The following EYS variants were observed in gnomAD, a reference collection of about 807,000 sequenced individuals.
The protein encoded by EYS is protein eyes shut homolog.
A neutral mutation model predicts 282.1 loss-of-function variants in EYS; 250 were observed. The observed-to-expected ratio is 0.89, with a 90% confidence interval of 0.80 to 0.98. The LOEUF is 0.98. Among genes scored for constraint, EYS ranks in the 50% least tolerant of loss-of-function variants. The pLI is 0.00. For missense variants in EYS, 4,016 were observed against 3,709.0 expected (o/e 1.08, Z -2.15); for synonymous variants, 1,355 against 1,282.9 (o/e 1.06, Z -1.20).
intron 22 of EYS, among the ~76,000 whole-genome samples, chr6:64,680,691 A>C (rs1769866987): frequency 2.0e-5 from 3 of 152,226 alleles, no homozygotes; most frequent in African/African-American, 7.2e-5. Context: ...TATTTACCTT[A>C]GTTTCAGCAG....
chr6:65,277,217 G>A (rs187653352), intron 12 of EYS, among the ~76,000 whole-genome samples: 5 of 152,118 alleles, frequency 3.3e-5, no homozygotes, highest in African/African-American at 7.2e-5. Context: ...GGTAGATCAC[G>A]AGGTCAGGAG....
chr6:65,498,488 AT>A (rs999859007), intron 2 of EYS, among the ~76,000 whole-genome samples: 1 of 152,022 alleles, frequency 6.6e-6, no homozygotes, highest in African/African-American at 2.4e-5. Context: ...CCTATGTGAC[AT>A]TTTTAGACTG....
intron 41 of EYS, among the ~76,000 whole-genome samples, chr6:63,730,865 C>G (rs1444010017): frequency 1.3e-5 from 2 of 151,846 alleles, no homozygotes; most frequent in African/African-American, 4.8e-5. Flanking sequence ...ACTAAAAATA[C>G]AAAAAATTAG....
chr6:65,458,717 T>C (rs1409538159), intron 5 of EYS, among the ~76,000 whole-genome samples: 1 of 152,170 alleles, frequency 6.6e-6, no homozygotes, highest in Non-Finnish European at 1.5e-5. Flanking sequence ...ATACCCAATC[T>C]AAGCTACCTG....
At chr6:65,339,312 A>G (rs1770109541) in intron 10 of EYS, among the ~76,000 whole-genome samples, 1 of 151,226 alleles carries the variant, frequency 6.6e-6, no homozygotes, top group Non-Finnish European at 1.5e-5. Context: ...TGCGAACTTG[A>G]ACTAATAAAA....
chr6:63,966,871 T>C (rs1562121998), intron 35 of EYS, among the ~76,000 whole-genome samples: 1 of 152,214 alleles, frequency 6.6e-6, no homozygotes, highest in Non-Finnish European at 1.5e-5. Context: ...AATAATACAG[T>C]GGTTTCCCCT....
intron 12 of EYS, among the ~76,000 whole-genome samples, chr6:65,281,619 C>T (rs115251733): frequency 6.6e-6 from 1 of 152,096 alleles, no homozygotes; most frequent in Non-Finnish European, 1.5e-5. Flanking sequence ...TATGTCAGTA[C>T]TTTACTTGAA....
At chr6:63,820,252 G>A (rs1771287464) in intron 36 of EYS, among the ~76,000 whole-genome samples, 1 of 152,070 alleles carries the variant, frequency 6.6e-6, no homozygotes, top group South Asian at 2.1e-4. Flanking sequence ...CCTTTTACTT[G>A]TTGGCCAACT....
At chr6:65,543,818 C>T (rs2127324244) in intron 2 of EYS, among the ~76,000 whole-genome samples, 1 of 152,236 alleles carries the variant, frequency 6.6e-6, no homozygotes, top group South Asian at 2.1e-4. Flanking sequence ...TTGAGTGGAA[C>T]AATCCTTGCT....
intron 35 of EYS, among the ~76,000 whole-genome samples, chr6:63,901,884 T>TTTTA (rs1299112334): frequency 1.3e-5 from 2 of 151,958 alleles, no homozygotes; most frequent in Admixed American, 1.3e-4. Flanking sequence ...GATTTTGGAT[T>TTTTA]TTTATTTATT....
intron 36 of EYS, among the ~76,000 whole-genome samples, chr6:63,862,168 T>G (rs190762544): frequency 2.0e-5 from 3 of 152,306 alleles, no homozygotes; most frequent in African/African-American, 7.2e-5. Flanking sequence ...ATGCCCTCCA[T>G]CCCAGTTACT....
In EYS at chr6:65,296,313, T is replaced by G. The variant is rs1052685715; in HGVS notation, c.1767-194A>C. 7.2e-5 allele frequency among the ~76,000 whole-genome samples: 11 copies of G among 152,030 alleles called. No homozygotes were observed. The South Asian group carries it at 2.3e-3, about 31-fold the overall frequency. On this transcript the variant is annotated intron_variant, in intron 11 of 42. Coordinates refer to ENST00000503581, the MANE Select transcript of EYS (RefSeq NM_001142800.2). ...TACTTTTGATTACTGTGCAGAATTA[T>G]GAGTGAAAATAACTTTGGTGCTGAA...
intron 11 of EYS, among the ~76,000 whole-genome samples, chr6:65,321,062 G>C (rs1490928649): frequency 6.6e-6 from 1 of 151,984 alleles, no homozygotes; most frequent in Non-Finnish European, 1.5e-5. Flanking sequence ...TCTCAGGTCT[G>C]CTGTTGGATA....
chr6:64,366,292 C>T (rs866000515), intron 29 of EYS, among the ~76,000 whole-genome samples: 22 of 151,850 alleles, frequency 1.4e-4, no homozygotes, highest in Admixed American at 6.6e-4. Context: ...TGCTTTTGTG[C>T]TCCAAAAAGG....
chr6:63,891,893 C>T (rs1773418283), intron 35 of EYS, among the ~76,000 whole-genome samples: 1 of 152,140 alleles, frequency 6.6e-6, no homozygotes, highest in African/African-American at 2.4e-5. Context: ...TCTCAGGATA[C>T]AAAATCAATG....
intron 16 of EYS, among the ~76,000 whole-genome samples, chr6:64,912,065 A>G (rs1768011558): frequency 6.6e-6 from 1 of 152,158 alleles, no homozygotes; most frequent in Non-Finnish European, 1.5e-5. Context: ...AGTAGAAAGA[A>G]GTAATATTTT....
intron 28 of EYS, among the ~76,000 whole-genome samples, chr6:64,427,499 C>T (rs1056097986): frequency 1.3e-5 from 2 of 151,976 alleles, no homozygotes; most frequent in Non-Finnish European, 2.9e-5. Context: ...CTTAACTTTC[C>T]TATTGTTGTA....
intron 31 of EYS, among the ~76,000 whole-genome samples, chr6:64,222,148 A>C (rs1554219808): frequency 6.6e-6 from 1 of 152,114 alleles, no homozygotes; most frequent in Non-Finnish European, 1.5e-5. Context: ...GAGAAAACTT[A>C]CCAAAATAGA....
At chr6:64,262,732 ATTTTG>A (rs1767630410) in intron 30 of EYS, among the ~76,000 whole-genome samples, 1 of 151,676 alleles carries the variant, frequency 6.6e-6, no homozygotes, top group Non-Finnish European at 1.5e-5. Flanking sequence ...GTTTTCTTTT[ATTTTG>A]TTTCCTGCTT....
Sources: allele counts gnomAD v4.1 joint callset (sites outside exome capture counted in the v4.1 genomes callset), GRCh38; gene constraint gnomAD v4.1.1; transcripts MANE v1.5; gene names NCBI Gene and HGNC (gene_info 2026-07-23, HGNC 2026-07-21).